Variants in PLXNA2 observed in about 807,000 individuals in gnomAD.
PLXNA2 encodes plexin-A2.
In PLXNA2, 91 loss-of-function variants were observed where a neutral mutation model predicts 193.5. The ratio of observed to expected loss-of-function variants is 0.47; its 90% CI spans 0.40 to 0.56. The LOEUF is 0.56. Among genes scored for constraint, PLXNA2 ranks in the 20% least tolerant of loss-of-function variants. The probability of loss-of-function intolerance (pLI) is 0.00; values close to 1 mark genes in which losing one functional copy is unlikely to be tolerated. For missense variants in PLXNA2, 1,995 were observed against 2,503.2 expected (o/e 0.80, Z 4.33); for synonymous variants, 997 against 1,027.3 (o/e 0.97, Z 0.56).
At chr1:208,040,279 G>A in intron 22 of PLXNA2, 4 of 576,116 alleles carry the variant, frequency 6.9e-6, no homozygotes, top group Non-Finnish European at 6.2e-6. Context: ...TGAAAATGGA[G>A]AGGTTGGCCT....
At chr1:208,031,019 C>G (rs1031026561) in intron 29 of PLXNA2, 2 of 987,694 alleles carry the variant, frequency 2.0e-6, no homozygotes, top group Non-Finnish European at 2.4e-6. Context: ...AGCTATGGCG[C>G]CAGGATAATC....
At chr1:208,062,524 G>A (rs552080652) in intron 12 of PLXNA2, among the ~76,000 whole-genome samples, 1 of 152,270 alleles carries the variant, frequency 6.6e-6, no homozygotes, top group Non-Finnish European at 1.5e-5. Flanking sequence ...TCTATCCTCC[G>A]TAGGCCAAAG....
chr1:208,099,760 G>A (rs1558191582), intron 5 of PLXNA2, among the ~76,000 whole-genome samples: 1 of 151,804 alleles, frequency 6.6e-6, no homozygotes, highest in Non-Finnish European at 1.5e-5. Flanking sequence ...TAGTAGAGAC[G>A]GGGTTTCACC....
intron 4 of PLXNA2, among the ~76,000 whole-genome samples, chr1:208,121,092 C>A (rs1353091978): frequency 1.3e-5 from 2 of 152,160 alleles, no homozygotes; most frequent in Non-Finnish European, 2.9e-5. Flanking sequence ...CTAATCCTCC[C>A]TCAAGGATGA....
At chr1:208,213,177 G>A (rs1572038971) in intron 2 of PLXNA2, among the ~76,000 whole-genome samples, 1 of 150,240 alleles carries the variant, frequency 6.7e-6, no homozygotes, top group Admixed American at 6.7e-5. Flanking sequence ...AAAAAAAAAA[G>A]ATTTATTCTC....
chr1:208,131,388 T>C (rs1668147390), intron 4 of PLXNA2, among the ~76,000 whole-genome samples: 1 of 152,234 alleles, frequency 6.6e-6, no homozygotes, highest in Non-Finnish European at 1.5e-5. Flanking sequence ...AATCAGACTC[T>C]CGGCATCTGA....
chr1:208,117,027 C>T (rs918354481), intron 4 of PLXNA2, among the ~76,000 whole-genome samples: 1 of 152,012 alleles, frequency 6.6e-6, no homozygotes, highest in East Asian at 1.9e-4. Context: ...AAAAATTAGC[C>T]GGGTGTGGTG....
chr1:208,055,486 G>A (rs11118978), intron 13 of PLXNA2, among the ~76,000 whole-genome samples: 39,111 of 151,852 alleles, frequency 0.26, 5,314 homozygotes, highest in East Asian at 0.43. Flanking sequence ...GGGTGGGAGA[G>A]GGCCCTGACA....
At chr1:208,234,812 G>C (rs1671803074) in intron 1 of PLXNA2, among the ~76,000 whole-genome samples, 1 of 152,190 alleles carries the variant, frequency 6.6e-6, no homozygotes, top group African/African-American at 2.4e-5. Flanking sequence ...GGCAGATCAA[G>C]AGAGTGTGGC....
At chr1:208,096,689 G>A (rs769171643) in intron 7 of PLXNA2, 41 bp downstream of exon 7, 55 of 1,609,920 alleles carry the variant, frequency 3.4e-5, no homozygotes, top group Middle Eastern at 3.3e-4. Context: ...TCAGTATAGA[G>A]AAGCCCCTCA....
chr1:208,120,611 A>G (rs945840652), intron 4 of PLXNA2, among the ~76,000 whole-genome samples: 2 of 152,202 alleles, frequency 1.3e-5, no homozygotes, highest in African/African-American at 4.8e-5. Flanking sequence ...AAGATGAATG[A>G]GGACTTTTGT....
In PLXNA2 at chr1:208,028,704, G is replaced by A; in HGVS notation, c.5438+126C>T. The A allele has an allele frequency of 1.3e-6, 1 of 799,558 alleles. No individual in the cohort carries two copies. Among genetic ancestry groups the A allele is most frequent in the Non-Finnish European group, 2.0e-6 (1 of 504,872 alleles). 49.5% of individuals were successfully genotyped at this position (799,558 alleles called of 1,614,324 possible). The stretch of plus-strand genomic sequence containing the variant: ...CTCCCGCAGCAGGGGGTGTGGCAGG[G>A]AGGGGAGTGGGAGGTCCTGAAGAGA... On this transcript the variant is annotated intron_variant, in intron 30 of 31. Coordinates refer to ENST00000367033, the MANE Select transcript of PLXNA2 (RefSeq NM_025179.4). This position sits in a 1 kb window ranked among gnomAD's most constrained non-coding sequence, Gnocchi z 4.2.
chr1:208,153,583 G>T (rs114175342), intron 3 of PLXNA2, among the ~76,000 whole-genome samples: 2,183 of 152,318 alleles, frequency 0.014, 55 homozygotes, highest in African/African-American at 0.048. Context: ...GAGGAAAGTA[G>T]TATAAACACT....
At chr1:208,113,276 G>A (rs190774812) in intron 4 of PLXNA2, among the ~76,000 whole-genome samples, 70 of 152,288 alleles carry the variant, frequency 4.6e-4, no homozygotes, top group African/African-American at 1.5e-3. Context: ...GGGGTGATAA[G>A]GCAGGGATGC....
At position 208,033,296 on chromosome 1, in the gene PLXNA2, G is replaced by C. The variant is rs529033310; in HGVS notation, c.5055+23C>G. On this transcript the variant is annotated intron_variant, in intron 28 of 31. Coordinates refer to ENST00000367033, the MANE Select transcript of PLXNA2 (RefSeq NM_025179.4). ...TGTGCTCCTTTAACAAGCACTCCCT[G>C]GTCTGGGCAGAGGGGGAGTTACCTT... 12 of 1,599,078 alleles carry C rather than the reference G, an allele frequency of 7.5e-6. No individual in the cohort carries two copies. The South Asian group carries it at 1.2e-4, about 16-fold the overall frequency.
At chr1:208,155,394 C>G (rs1384005050) in intron 3 of PLXNA2, among the ~76,000 whole-genome samples, 1 of 152,132 alleles carries the variant, frequency 6.6e-6, no homozygotes, top group South Asian at 2.1e-4. Flanking sequence ...CTAATATGCT[C>G]CTTAAAAAGT....
intron 1 of PLXNA2, among the ~76,000 whole-genome samples, chr1:208,228,379 A>G (rs992496307): frequency 6.6e-5 from 10 of 152,216 alleles, no homozygotes; most frequent in African/African-American, 2.4e-4. Flanking sequence ...GCTCTTCACC[A>G]GGAATCCTCG....
chr1:208,058,292 T>C (rs12408754), intron 13 of PLXNA2, among the ~76,000 whole-genome samples: 1,813 of 152,306 alleles, frequency 0.012, 83 homozygotes, highest in East Asian at 0.11. Context: ...TTCCTGTGAC[T>C]GAATCATCCA....
At chr1:208,226,772 G>A (rs915775999) in intron 1 of PLXNA2, among the ~76,000 whole-genome samples, 2 of 152,220 alleles carry the variant, frequency 1.3e-5, no homozygotes, top group African/African-American at 4.8e-5. Context: ...TCAAGCAGCT[G>A]CCTTCCCTGC....
Sources: allele counts gnomAD v4.1 joint callset (sites outside exome capture counted in the v4.1 genomes callset), GRCh38; gene constraint gnomAD v4.1.1; non-coding constraint Gnocchi (gnomAD v3.1); transcripts MANE v1.5; gene names NCBI Gene and HGNC (gene_info 2026-07-23, HGNC 2026-07-21).